Variants in ANO6 observed in about 807,000 individuals in gnomAD.
ANO6 encodes anoctamin-6.
ANO6 carries 106 observed loss-of-function variants against 117.5 expected under a neutral mutation model. The observed-to-expected ratio is 0.90, with a 90% CI of 0.77 to 1.06. ANO6 has a LOEUF of 1.06. ANO6 is among the 50% of genes least tolerant of loss of function. The pLI is 0.00. For missense variants in ANO6, 955 were observed against 1,121.1 expected, an observed-to-expected ratio of 0.85 and a Z score of 2.12; for synonymous variants, 367 against 385.1, an observed-to-expected ratio of 0.95 and a Z score of 0.55.
At chr12:45,301,239 C>CT (rs1287082580) in intron 1 of ANO6, among the ~76,000 whole-genome samples, 2 of 20,384 alleles carry the variant, frequency 9.8e-5, no homozygotes, top group African/African-American at 1.3e-4. Context: ...TCACCTGTTT[C>CT]TTTTTTTTTA....
intron 2 of ANO6, among the ~76,000 whole-genome samples, chr12:45,323,974 G>A (rs534745777): frequency 8.8e-6 from 1 of 114,258 alleles, no homozygotes; most frequent in African/African-American, 3.2e-5. Context: ...TTTTGCTCTT[G>A]GTGCCCAGGC....
chr12:45,277,337 C>A (rs1938587235), intron 1 of ANO6, among the ~76,000 whole-genome samples: 1 of 152,194 alleles, frequency 6.6e-6, no homozygotes, highest in South Asian at 2.1e-4. Flanking sequence ...ATGAATAATT[C>A]AACCTCACAC....
intron 1 of ANO6, among the ~76,000 whole-genome samples, chr12:45,300,673 A>G (rs928564596): frequency 3.3e-5 from 5 of 152,188 alleles, no homozygotes; most frequent in Non-Finnish European, 5.9e-5. Context: ...GGCTGGACCT[A>G]TTGATAAATG....
At chr12:45,332,959 A>G (rs564977862) in intron 3 of ANO6, among the ~76,000 whole-genome samples, 2 of 149,744 alleles carry the variant, frequency 1.3e-5, no homozygotes, top group African/African-American at 4.9e-5. Flanking sequence ...TTTCAAATCA[A>G]TTTTTTTTTT....
intron 3 of ANO6, among the ~76,000 whole-genome samples, chr12:45,331,755 A>C (rs903273012): frequency 1.3e-5 from 2 of 152,122 alleles, no homozygotes; most frequent in Non-Finnish European, 2.9e-5. Flanking sequence ...ATGATTAATA[A>C]TGACAAGTGT....
chr12:45,303,021 T>A (rs900449512), intron 2 of ANO6, among the ~76,000 whole-genome samples: 1 of 152,236 alleles, frequency 6.6e-6, no homozygotes, highest in African/African-American at 2.4e-5. Flanking sequence ...ATGTGCTTTT[T>A]CTGTTCTTGC....
chr12:45,292,423 G>A (rs1480166771), intron 1 of ANO6, among the ~76,000 whole-genome samples: 1 of 152,102 alleles, frequency 6.6e-6, no homozygotes, highest in East Asian at 1.9e-4. Context: ...TGTAATTATT[G>A]CCACTGAATT....
intron 1 of ANO6, among the ~76,000 whole-genome samples, chr12:45,229,894 C>T (rs1333652006): frequency 3.2e-5 from 4 of 124,196 alleles, no homozygotes; most frequent in African/African-American, 9.2e-5. Flanking sequence ...TAAGATGGAA[C>T]GAATGTTAGA....
intron 12 of ANO6, among the ~76,000 whole-genome samples, chr12:45,400,285 G>A (rs1404864668): frequency 6.6e-6 from 1 of 152,092 alleles, no homozygotes; most frequent in African/African-American, 2.4e-5. Flanking sequence ...ACATTATGGA[G>A]ATAATTTTTA....
intron 10 of ANO6, among the ~76,000 whole-genome samples, chr12:45,385,307 C>T (rs1312758148): frequency 1.3e-5 from 2 of 152,108 alleles, no homozygotes; most frequent in Non-Finnish European, 2.9e-5. Context: ...AGAGAATGCA[C>T]ATGACCGCTG....
At chr12:45,409,211 G>T (rs556473775) in intron 15 of ANO6, 146 bp from the exon 16 acceptor site, 10 of 988,882 alleles carry the variant, frequency 1.0e-5, no homozygotes, top group Non-Finnish European at 1.4e-5. Context: ...GAATAAGGAG[G>T]CAGAAATAAA....
chr12:45,389,790 C>T (rs574487426), intron 11 of ANO6, among the ~76,000 whole-genome samples: 1 of 152,092 alleles, frequency 6.6e-6, no homozygotes, highest in African/African-American at 2.4e-5. Flanking sequence ...TCCTCATGAT[C>T]GCAGCTAAGG....
chr12:45,314,287 C>A (rs1487378184), intron 2 of ANO6, among the ~76,000 whole-genome samples: 1 of 151,732 alleles, frequency 6.6e-6, no homozygotes, highest in Admixed American at 6.6e-5. Context: ...TAAAAGATGA[C>A]CATAATGTAC....
At chr12:45,361,922 T>G (rs1044340206) in intron 8 of ANO6, among the ~76,000 whole-genome samples, 6 of 152,158 alleles carry the variant, frequency 3.9e-5, no homozygotes, top group Non-Finnish European at 7.4e-5. Flanking sequence ...GATTTTTCCA[T>G]CTATATTTGC....
At chr12:45,417,894 A>G (rs1301941405) in intron 17 of ANO6, among the ~76,000 whole-genome samples, 1 of 152,158 alleles carries the variant, frequency 6.6e-6, no homozygotes, top group Admixed American at 6.5e-5. Context: ...CCCGAACTCC[A>G]CTTCCCAGCA....
intron 1 of ANO6, among the ~76,000 whole-genome samples, chr12:45,298,195 C>A (rs879937472): frequency 2.0e-5 from 3 of 152,116 alleles, no homozygotes; most frequent in Non-Finnish European, 4.4e-5. Flanking sequence ...TACTGTTGTT[C>A]CAAGTGCTGA....
chr12:45,285,465 C>T (rs182778858), intron 1 of ANO6, among the ~76,000 whole-genome samples: 130 of 152,214 alleles, frequency 8.5e-4, no homozygotes, highest in Non-Finnish European at 7.6e-4. Context: ...CTACCGAGGC[C>T]GGGGGCGGTG....
At chr12:45,316,163 T>A (rs1268287913) in intron 2 of ANO6, among the ~76,000 whole-genome samples, 4 of 152,156 alleles carry the variant, frequency 2.6e-5, no homozygotes, top group Non-Finnish European at 4.4e-5. Flanking sequence ...TTTAATAATA[T>A]TTGTCCATTT....
chr12:45,330,574 AT>A (rs888801028), intron 2 of ANO6, among the ~76,000 whole-genome samples: 1 of 152,104 alleles, frequency 6.6e-6, no homozygotes, highest in African/African-American at 2.4e-5. Context: ...GTTCACAGGT[AT>A]TTTTGTATTT....
Sources: allele counts gnomAD v4.1 joint callset (sites outside exome capture counted in the v4.1 genomes callset), GRCh38; gene constraint gnomAD v4.1.1; transcripts MANE v1.5; gene names NCBI Gene and HGNC (gene_info 2026-07-23, HGNC 2026-07-21).